DIAPH3: variants seen among roughly 807,000 people sequenced by gnomAD.
DIAPH3 encodes the protein protein diaphanous homolog 3.
In DIAPH3, 117 loss-of-function variants were observed where a neutral mutation model predicts 144.3. The ratio of observed to expected loss-of-function variants is 0.81; its 90% CI spans 0.70 to 0.95. The LOEUF is 0.95. Ranked by LOEUF, DIAPH3 falls within the 40% of genes least tolerant of loss-of-function variation. The probability of loss-of-function intolerance (pLI) is 0.00; values close to 1 mark genes in which losing one functional copy is unlikely to be tolerated. For missense variants in DIAPH3, 1,421 were observed against 1,412.7 expected, an observed-to-expected ratio of 1.01 and a Z score of -0.09; for synonymous variants, 519 against 488.9, an observed-to-expected ratio of 1.06 and a Z score of -0.81.
chr13:60,003,947 A>G (rs1020574338), intron 9 of DIAPH3, among the ~76,000 whole-genome samples: 16 of 152,078 alleles, frequency 1.1e-4, no homozygotes, highest in African/African-American at 3.9e-4. Flanking sequence ...TTTTCTTACT[A>G]TATAATATCA....
In DIAPH3 at chr13:60,112,166, T is replaced by C. The variant is rs773938981; in HGVS notation, c.234A>G (p.Ile78Met). The C allele has an allele frequency of 1.2e-6, 2 of 1,614,094 alleles. No homozygotes were observed. The highest frequency in any genetic ancestry group is 1.7e-6 in the Non-Finnish European group (2 of 1,180,020). The change falls in exon 3 of 28, where the codon ATA becomes ATG. Residue 78 changes from isoleucine (I) to methionine (M), a missense_variant. By Grantham distance (10) the Ile-to-Met change is conservative. Coordinates refer to ENST00000400324, the MANE Select transcript of DIAPH3 (RefSeq NM_001042517.2). ...TDDMLDKFAS[I>M]RIPGSKKERP... is the part of the protein sequence containing the mutation. ...TCTCTTTCTTGCTCCCTGGAATTCT[T>C]ATGCTGGCAAATTTGTCCAGCTACA...
intron 27 of DIAPH3, among the ~76,000 whole-genome samples, chr13:59,751,993 G>A (rs372342609): frequency 6.6e-6 from 1 of 152,210 alleles, no homozygotes; most frequent in Non-Finnish European, 1.5e-5. Flanking sequence ...AGGCAACACA[G>A]GACAATGGGG....
intron 14 of DIAPH3, among the ~76,000 whole-genome samples, chr13:59,975,495 G>A (rs899889490): frequency 1.5e-4 from 23 of 152,000 alleles, no homozygotes; most frequent in African/African-American, 2.7e-4. Flanking sequence ...TGCAATTAAC[G>A]TTTAGATAAT....
At chr13:59,786,145 T>C (rs577627544) in intron 25 of DIAPH3, among the ~76,000 whole-genome samples, 10 of 152,218 alleles carry the variant, frequency 6.6e-5, no homozygotes, top group Admixed American at 5.9e-4. Flanking sequence ...CAACAAAAAA[T>C]AAGGCTACAT....
At chr13:60,114,915 C>T (rs1934524994) in intron 2 of DIAPH3, among the ~76,000 whole-genome samples, 1 of 152,098 alleles carries the variant, frequency 6.6e-6, no homozygotes, top group East Asian at 1.9e-4. Context: ...GGGATTAGGG[C>T]AGTCAAAGTC....
intron 3 of DIAPH3, among the ~76,000 whole-genome samples, chr13:60,111,160 C>T (rs564295023): frequency 6.6e-6 from 1 of 152,060 alleles, no homozygotes; most frequent in African/African-American, 2.4e-5. Context: ...GTGCACTTTA[C>T]GATCTTGAGT....
At chr13:59,675,757 T>C (rs1290020446) in intron 27 of DIAPH3, among the ~76,000 whole-genome samples, 1 of 152,234 alleles carries the variant, frequency 6.6e-6, no homozygotes, top group East Asian at 1.9e-4. Context: ...GGCTTTGCTA[T>C]TTGCCTCTGG....
intron 22 of DIAPH3, among the ~76,000 whole-genome samples, chr13:59,854,800 GC>G (rs897973881): frequency 2.6e-5 from 4 of 152,118 alleles, no homozygotes; most frequent in Admixed American, 2.0e-4. Context: ...TCCGTAGCTG[GC>G]CCAAAATCTG....
intron 27 of DIAPH3, among the ~76,000 whole-genome samples, chr13:59,726,011 G>A (rs544832609): frequency 6.6e-6 from 1 of 152,078 alleles, no homozygotes; most frequent in Non-Finnish European, 1.5e-5. Flanking sequence ...TTATTAACTT[G>A]GTGGGGAAAT....
intron 15 of DIAPH3, 61 bp downstream of exon 15, chr13:59,974,286 TATAAC>T (rs1387967841): frequency 2.6e-6 from 3 of 1,138,546 alleles, no homozygotes; most frequent in South Asian, 1.2e-5. Context: ...GCTATGAAGA[TATAAC>T]ATAACCTTTG....
At chr13:59,928,309 AC>A (rs2047853495) in intron 17 of DIAPH3, among the ~76,000 whole-genome samples, 1 of 151,816 alleles carries the variant, frequency 6.6e-6, no homozygotes, top group Non-Finnish European at 1.5e-5. Flanking sequence ...TATATTGTCT[AC>A]TTGTGTTCTC....
At chr13:59,858,820 T>C (rs2043406022) in intron 22 of DIAPH3, among the ~76,000 whole-genome samples, 1 of 152,114 alleles carries the variant, frequency 6.6e-6, no homozygotes. Context: ...AACAGAAAAG[T>C]TGTAAGCCAT....
At chr13:59,699,957 C>T (rs996723497) in intron 27 of DIAPH3, among the ~76,000 whole-genome samples, 2 of 152,112 alleles carry the variant, frequency 1.3e-5, no homozygotes, top group Non-Finnish European at 2.9e-5. Flanking sequence ...ACACAGGCTT[C>T]GGCTTCAAAC....
chr13:59,891,265 T>C (rs1438238355), intron 20 of DIAPH3, among the ~76,000 whole-genome samples: 2 of 152,060 alleles, frequency 1.3e-5, no homozygotes, highest in South Asian at 2.1e-4. Flanking sequence ...CAAAATGCTT[T>C]AGGCTGTATT....
intron 4 of DIAPH3, among the ~76,000 whole-genome samples, chr13:60,065,698 TC>T (rs1201590241): frequency 6.6e-6 from 1 of 152,170 alleles, no homozygotes; most frequent in Admixed American, 6.5e-5. Flanking sequence ...TAAAAAATTT[TC>T]CCAAGTTCCC....
intron 18 of DIAPH3, 57 bp downstream of exon 18, chr13:59,924,718 A>G: frequency 1.9e-6 from 3 of 1,566,412 alleles, no homozygotes; most frequent in Non-Finnish European, 2.6e-6. Context: ...AAGAAAATGA[A>G]ATCATTTAAA....
Position 60,051,236 on chromosome 13 carries a change from T to A in DIAPH3, c.496-8416A>T, listed in dbSNP as rs865780503. Among the ~76,000 whole-genome samples the A allele has an allele frequency of 3.3e-5, 5 of 151,860 alleles. No individual in the cohort carries two copies. In the South Asian group the frequency reaches 1.0e-3, roughly 31 times the overall value. On this transcript the variant is annotated intron_variant, in intron 4 of 27. Coordinates refer to ENST00000400324, the MANE Select transcript of DIAPH3 (RefSeq NM_001042517.2). Reference sequence around the variant, plus strand: ...ATTTGGGGGGAGTGGGAAAAAAATATATATATATGGTAATGTTTGCATGCT... The same window carrying A: ...ATTTGGGGGGAGTGGGAAAAAAATAAATATATATGGTAATGTTTGCATGCT...
At position 59,873,320 on chromosome 13, in the gene DIAPH3, G is replaced by A. The variant is rs745331262; in HGVS notation, c.2607+5909C>T. ...TGCAAATGGAACAATGGATTTGTTC[G>A]GCAGAGATCTTTCTTAAAAATAAAT... On this transcript the variant is annotated intron_variant, in intron 21 of 27. Transcript: ENST00000400324. Among the ~76,000 whole-genome samples, 12 of 152,172 alleles carry A rather than the reference G, an allele frequency of 7.9e-5. 1 individual carries two copies. The highest frequency in any genetic ancestry group is 3.9e-4 in the East Asian group (2 of 5,174).
At chr13:60,092,642 C>T (rs1283761752) in intron 4 of DIAPH3, among the ~76,000 whole-genome samples, 1 of 151,786 alleles carries the variant, frequency 6.6e-6, no homozygotes, top group Non-Finnish European at 1.5e-5. Flanking sequence ...CAGAGTGAGA[C>T]TCCGTCTCAA....
Sources: gnomAD v4.1 joint callset for allele counts (sites outside exome capture counted in the v4.1 genomes callset) on GRCh38, gnomAD v4.1.1 for gene constraint, MANE v1.5 for transcripts, NCBI Gene and HGNC (gene_info 2026-07-23, HGNC 2026-07-21) for gene names.